Variants in STAT4 observed in about 807,000 individuals in gnomAD.
STAT4 encodes signal transducer and activator of transcription 4.
STAT4 carries 42 observed loss-of-function variants against 110.5 expected under a neutral mutation model. The observed-to-expected ratio is 0.38, with a 90% CI of 0.30 to 0.49. STAT4 has a LOEUF of 0.49. STAT4 is among the 20% of genes least tolerant of loss of function. The pLI is 0.95. For missense variants in STAT4, 632 were observed against 887.9 expected, an observed-to-expected ratio of 0.71 and a Z score of 3.66; for synonymous variants, 284 against 302.2, an observed-to-expected ratio of 0.94 and a Z score of 0.63.
At position 191,146,612 on chromosome 2, in the gene STAT4, C is replaced by T; in HGVS notation, c.273+1G>A. ...TTTGGAAAAGTAGAATGCATTCTTACCTGAAGGACCTTCCTAATTCTTTTT... is the reference window on the plus strand; with the variant it reads ...TTTGGAAAAGTAGAATGCATTCTTATCTGAAGGACCTTCCTAATTCTTTTT... On this transcript the variant is annotated splice_donor_variant, in intron 3 of 23. Transcript: ENST00000392320. LOFTEE classifies it high-confidence loss of function. This position sits in a 1 kb window ranked among gnomAD's most constrained non-coding sequence, Gnocchi z 4.5. 6.6e-7 allele frequency: 1 copy of T among 1,520,744 alleles called. No individual in the cohort carries two copies. The highest frequency in any genetic ancestry group is 8.8e-7 in the Non-Finnish European group (1 of 1,136,002). 94.2% of individuals were successfully genotyped at this position (1,520,744 alleles called of 1,614,324 possible).
In STAT4 at chr2:191,037,320, T is replaced by C. The variant is rs1263518274; in HGVS notation, c.1435-1021A>G. On this transcript the variant is annotated intron_variant, in intron 16 of 23. Transcript: ENST00000392320. This position sits in a 1 kb window ranked among gnomAD's most constrained non-coding sequence, Gnocchi z 4.8. ...GTCTTTTCTTATTTGCTCTACATAA[T>C]TAAAAAAAACAAAAACAGAGAAATG... 6.6e-6 allele frequency among the ~76,000 whole-genome samples: 1 copy of C among 151,960 alleles called. No individual in the cohort carries two copies. Among genetic ancestry groups the C allele is most frequent in the Non-Finnish European group, 1.5e-5 (1 of 68,004 alleles).
intron 14 of STAT4, among the ~76,000 whole-genome samples, chr2:191,049,012 C>G (rs1696441456): frequency 6.6e-6 from 1 of 151,470 alleles, no homozygotes; most frequent in African/African-American, 2.4e-5. Flanking sequence ...AACTAGAAAA[C>G]TGGACAACCA....
At chr2:191,134,842 G>A (rs1574191428) in intron 3 of STAT4, among the ~76,000 whole-genome samples, 1 of 151,988 alleles carries the variant, frequency 6.6e-6, no homozygotes, top group Admixed American at 6.6e-5. Context: ...TTGCATCAAG[G>A]AAGAAATTGA....
At chr2:191,071,587 CTAGAG>C (rs773544055) in intron 5 of STAT4, among the ~76,000 whole-genome samples, 2 of 152,124 alleles carry the variant, frequency 1.3e-5, no homozygotes, top group Non-Finnish European at 2.9e-5. Context: ...TAAGGGGCTT[CTAGAG>C]TATATTGTCA....
chr2:191,056,637 G>T (rs1449768120), intron 13 of STAT4, among the ~76,000 whole-genome samples: 1 of 152,030 alleles, frequency 6.6e-6, no homozygotes, highest in Non-Finnish European at 1.5e-5. Context: ...GTGATATTTT[G>T]ATACATGTAT....
chr2:191,105,222 T>G (rs915541638), intron 3 of STAT4, among the ~76,000 whole-genome samples: 5 of 152,192 alleles, frequency 3.3e-5, no homozygotes, highest in Admixed American at 3.3e-4. Context: ...CTTTTGCCCT[T>G]GCTCACCAGA....
intron 13 of STAT4, 127 bp from the exon 14 acceptor site, chr2:191,054,661 A>G (rs1696625424): frequency 2.7e-6 from 2 of 732,074 alleles, no homozygotes; most frequent in African/African-American, 1.8e-5. Context: ...CATATTTTCA[A>G]ACTCATTGAA....
Position 191,030,896 on chromosome 2 carries a change from G to A in STAT4, c.2220+76C>T. ...TTCTCCCTACCCAGGCAGTATTTCA[G>A]CCCCTTTGATTCACACACCACCTTT... On this transcript the variant is annotated intron_variant, in intron 23 of 23. Transcript: ENST00000392320. This position sits in a 1 kb window ranked among gnomAD's most constrained non-coding sequence, Gnocchi z 4.4. The A allele has an allele frequency of 1.5e-6, 2 of 1,339,888 alleles. No individual in the cohort carries two copies. Among genetic ancestry groups the A allele is most frequent in the Non-Finnish European group, 2.1e-6 (2 of 935,218 alleles). The allele number at this position is 1,339,888 out of a possible 1,614,324, so 83.0% of individuals were successfully genotyped here. A position where few individuals can be genotyped will look rare whatever the true frequency, so the allele number is the denominator to read the frequency against.
At chr2:191,118,901 T>A (rs533964849) in intron 3 of STAT4, among the ~76,000 whole-genome samples, 1 of 152,096 alleles carries the variant, frequency 6.6e-6, no homozygotes. Context: ...TGGAAGTAAA[T>A]GTGCATGCCA....
At chr2:191,036,753 T>A (rs1195335573) in intron 16 of STAT4, among the ~76,000 whole-genome samples, 2 of 152,226 alleles carry the variant, frequency 1.3e-5, no homozygotes, top group Admixed American at 1.3e-4. Context: ...TGTCCTATAC[T>A]CCTCAGTTGA....
At chr2:191,040,949 A>T in intron 15 of STAT4, 116 bp downstream of exon 15, 2 of 630,768 alleles carry the variant, frequency 3.2e-6, no homozygotes, top group Non-Finnish European at 4.9e-6. Context: ...AAATTAAAAC[A>T]AAATAATGAA....
In STAT4 at chr2:191,064,498, T is replaced by C. The variant is rs569848349; in HGVS notation, c.782+309A>G. On this transcript the variant is annotated intron_variant, in intron 8 of 23. Transcript: ENST00000392320. ...TCTATTTTCAAGATTTTGAAACTAG[T>C]GCTTCTTTATTCTGTCCTTAAAGAA... is the stretch of plus-strand genomic sequence containing the variant. Among the ~76,000 whole-genome samples, 4 of 152,348 alleles carry C rather than the reference T, an allele frequency of 2.6e-5. No homozygotes were observed. The East Asian group carries it at 7.7e-4, about 29-fold the overall frequency.
intron 17 of STAT4, among the ~76,000 whole-genome samples, chr2:191,034,921 G>A (rs549879767): frequency 3.9e-5 from 6 of 152,208 alleles, no homozygotes; most frequent in Admixed American, 1.3e-4. Flanking sequence ...AGTAATATAG[G>A]ACGAAGCATG....
At chr2:191,132,278 C>T (rs1026570913) in intron 3 of STAT4, among the ~76,000 whole-genome samples, 4 of 151,648 alleles carry the variant, frequency 2.6e-5, no homozygotes, top group Non-Finnish European at 5.9e-5. Flanking sequence ...ATACTTCTCC[C>T]GTATTGATAG....
rs763436163 is a variant in STAT4, at chr2:191,138,470, T to G, written c.273+8143A>C. Among the ~76,000 whole-genome samples the G allele has an allele frequency of 1.3e-5, 2 of 152,182 alleles. No homozygotes were observed. The highest frequency in any genetic ancestry group is 6.5e-5 in the Admixed American group (1 of 15,274). ...TACAAAAGATTAGCTAAGGCTATTA[T>G]GAACACTTTTATGTGCACAAACTAG... On this transcript the variant is annotated intron_variant, in intron 3 of 23. Transcript: ENST00000392320. The surrounding 1 kb of genome is among the most constrained non-coding windows in gnomAD (Gnocchi z 4.3).
intron 14 of STAT4, 106 bp downstream of exon 14, chr2:191,054,384 C>A: frequency 1.1e-6 from 1 of 948,788 alleles, no homozygotes; most frequent in Admixed American, 2.5e-5. Context: ...ATGAGAAAAA[C>A]ATGAATTTGA....
chr2:191,087,054 C>T (rs1451994271), intron 3 of STAT4, among the ~76,000 whole-genome samples: 1 of 152,098 alleles, frequency 6.6e-6, no homozygotes, highest in East Asian at 1.9e-4. Context: ...TATAGAAATG[C>T]CTCTTATTAG....
At chr2:191,134,458 C>T (rs1337117603) in intron 3 of STAT4, among the ~76,000 whole-genome samples, 1 of 152,178 alleles carries the variant, frequency 6.6e-6, no homozygotes, top group Middle Eastern at 3.2e-3. Flanking sequence ...ACATGGTCAG[C>T]CCACTGCTGC....
intron 3 of STAT4, among the ~76,000 whole-genome samples, chr2:191,087,320 C>A (rs560639562): frequency 3.3e-5 from 5 of 152,076 alleles, no homozygotes; most frequent in African/African-American, 7.2e-5. Context: ...ATGCGTGAAA[C>A]CTGTTTTAAG....
Sources: allele counts gnomAD v4.1 joint callset (sites outside exome capture counted in the v4.1 genomes callset), GRCh38; gene constraint gnomAD v4.1.1; non-coding constraint Gnocchi (gnomAD v3.1); transcripts MANE v1.5; gene names NCBI Gene and HGNC (gene_info 2026-07-23, HGNC 2026-07-21).